The following SLC24A4 variants were observed in gnomAD, a reference collection of about 807,000 sequenced individuals.
The protein encoded by SLC24A4 is sodium/potassium/calcium exchanger 4.
A neutral mutation model predicts 79.0 loss-of-function variants in SLC24A4; 53 were observed. The observed-to-expected ratio is 0.67, with a 90% CI of 0.54 to 0.84. SLC24A4 has a LOEUF of 0.84. Ranked by LOEUF, SLC24A4 falls within the 40% of genes least tolerant of loss-of-function variation. The pLI, the probability that SLC24A4 is intolerant of heterozygous loss-of-function variation, is 0.00. For missense variants in SLC24A4, 731 were observed against 822.0 expected (o/e 0.89, Z 1.35); for synonymous variants, 323 against 323.8 (o/e 1.00, Z 0.03).
In SLC24A4 at chr14:92,494,445, G is replaced by A. The variant is rs557013279; in HGVS notation, c.*817G>A. 6.6e-6 allele frequency: 1 copy of A among 152,466 alleles called. No homozygotes were observed. Among genetic ancestry groups the A allele is most frequent in the East Asian group, 1.9e-4 (1 of 5,188 alleles). 9.4% of individuals were successfully genotyped at this position (152,466 alleles called of 1,614,324 possible). A position where few individuals can be genotyped will look rare whatever the true frequency, so the allele number is the denominator to read the frequency against. On this transcript the variant is annotated 3_prime_UTR_variant, in exon 17 of 17. Coordinates refer to ENST00000532405, the MANE Select transcript of SLC24A4 (RefSeq NM_153646.4). The surrounding 1 kb of genome is among the most constrained non-coding windows in gnomAD (Gnocchi z 4.6). Reference sequence around the variant, plus strand: ...TATGCCATCTTGCATTGGCACTGAGGTGTTTGGTTTGGAATAGGGAAAAAG... The same window carrying A: ...TATGCCATCTTGCATTGGCACTGAGATGTTTGGTTTGGAATAGGGAAAAAG...
chr14:92,447,467 C>T (rs200004671), intron 9 of SLC24A4, 43 bp downstream of exon 9: 15 of 1,562,018 alleles, frequency 9.6e-6, no homozygotes, highest in African/African-American at 2.7e-5. Context: ...ACGCCTTGCC[C>T]CACTGCCTGC....
rs1184273694 is a variant in SLC24A4 at position 92,497,166 on chromosome 14, C to T, written c.*3538C>T. The T allele has an allele frequency of 6.6e-6, 1 of 152,328 alleles. No individual in the cohort carries two copies. Among genetic ancestry groups the T allele is most frequent in the African/African-American group, 2.4e-5 (1 of 41,442 alleles). The allele number at this position is 152,328 out of a possible 1,614,324, so 9.4% of individuals were successfully genotyped here. Reference sequence around the variant, plus strand: ...TTAGGACTGTTTCTTGCTTTTGCCCCTGTCGGTCCCCTGCCTTAACAGACC... The same window carrying T: ...TTAGGACTGTTTCTTGCTTTTGCCCTTGTCGGTCCCCTGCCTTAACAGACC... On this transcript the variant is annotated 3_prime_UTR_variant, in exon 17 of 17. Transcript: ENST00000532405.
At chr14:92,354,291 C>T (rs1246578868) in intron 2 of SLC24A4, among the ~76,000 whole-genome samples, 1 of 152,052 alleles carries the variant, frequency 6.6e-6, no homozygotes, top group African/African-American at 2.4e-5. Context: ...GCTGGGACTA[C>T]AGGCACCTGC....
At chr14:92,465,768 C>T (rs573574019) in intron 12 of SLC24A4, among the ~76,000 whole-genome samples, 3 of 152,256 alleles carry the variant, frequency 2.0e-5, no homozygotes, top group African/African-American at 7.2e-5. Context: ...GAGAGCTCTC[C>T]AGGCCTTTAT....
intron 12 of SLC24A4, among the ~76,000 whole-genome samples, chr14:92,475,931 T>G (rs1312091496): frequency 6.6e-6 from 1 of 152,104 alleles, no homozygotes; most frequent in Non-Finnish European, 1.5e-5. Flanking sequence ...AACATAGCAA[T>G]GGAACGGGTC....
chr14:92,489,919 C>T (rs1207745658), intron 14 of SLC24A4, among the ~76,000 whole-genome samples: 1 of 152,192 alleles, frequency 6.6e-6, no homozygotes, highest in East Asian at 1.9e-4. Flanking sequence ...GTTCCCGCAT[C>T]TTACCGGACA....
chr14:92,430,594 C>T (rs1261215504), intron 2 of SLC24A4, among the ~76,000 whole-genome samples: 1 of 152,176 alleles, frequency 6.6e-6, no homozygotes, highest in African/African-American at 2.4e-5. Context: ...GGGAGGGAGG[C>T]AGATGCCTGG....
intron 12 of SLC24A4, among the ~76,000 whole-genome samples, chr14:92,477,982 T>C (rs953531419): frequency 1.3e-5 from 2 of 151,840 alleles, no homozygotes; most frequent in African/African-American, 4.8e-5. Context: ...AATTTTTGTA[T>C]TTTTAGTAGA....
At chr14:92,330,804 C>T in intron 2 of SLC24A4, among the ~76,000 whole-genome samples, 1 of 152,306 alleles carries the variant, frequency 6.6e-6, no homozygotes, top group Admixed American at 6.5e-5. Flanking sequence ...GGGCCATACC[C>T]TCATGCACTT....
chr14:92,370,241 C>A (rs1168179247), intron 2 of SLC24A4, among the ~76,000 whole-genome samples: 1 of 152,146 alleles, frequency 6.6e-6, no homozygotes, highest in Non-Finnish European at 1.5e-5. Context: ...AGAAAGTCTT[C>A]CAGAACGTAG....
chr14:92,464,876 C>T (rs1051736155), intron 12 of SLC24A4, among the ~76,000 whole-genome samples: 7 of 152,198 alleles, frequency 4.6e-5, no homozygotes, highest in Non-Finnish European at 7.4e-5. Flanking sequence ...CGCCAAGAAA[C>T]CTGTGCAGCT....
chr14:92,391,362 C>T (rs1478645343), intron 2 of SLC24A4, among the ~76,000 whole-genome samples: 5 of 152,170 alleles, frequency 3.3e-5, no homozygotes, highest in Admixed American at 2.0e-4. Flanking sequence ...AACCCTTGTG[C>T]CAACCCCAGG....
intron 2 of SLC24A4, among the ~76,000 whole-genome samples, chr14:92,416,065 G>A (rs1890964738): frequency 6.6e-6 from 1 of 152,100 alleles, no homozygotes; most frequent in Non-Finnish European, 1.5e-5. Context: ...CTGTGGAGAT[G>A]TAGAGACATC....
chr14:92,334,087 T>C (rs185432050), intron 2 of SLC24A4, among the ~76,000 whole-genome samples: 2 of 152,290 alleles, frequency 1.3e-5, no homozygotes, highest in East Asian at 3.9e-4. Context: ...TGAACAAACG[T>C]CTGTTGGAAT....
intron 14 of SLC24A4, among the ~76,000 whole-genome samples, chr14:92,488,174 C>T (rs899548310): frequency 3.3e-5 from 5 of 151,716 alleles, no homozygotes; most frequent in Admixed American, 6.6e-5. Flanking sequence ...TGGGTTCAAG[C>T]GGTTCTCCTG....
intron 12 of SLC24A4, among the ~76,000 whole-genome samples, chr14:92,477,463 T>TTTG (rs1180938299): frequency 6.6e-6 from 1 of 152,160 alleles, no homozygotes; most frequent in Admixed American, 6.5e-5. Flanking sequence ...TGTTGTTGTT[T>TTTG]TTGTTGTTGT....
At chr14:92,355,988 C>A (rs999484203) in intron 2 of SLC24A4, among the ~76,000 whole-genome samples, 2 of 152,160 alleles carry the variant, frequency 1.3e-5, no homozygotes, top group Non-Finnish European at 2.9e-5. Context: ...TTTGACTTTA[C>A]GATGGCATGA....
At chr14:92,406,394 A>G (rs1890378290) in intron 2 of SLC24A4, among the ~76,000 whole-genome samples, 1 of 152,144 alleles carries the variant, frequency 6.6e-6, no homozygotes, top group Non-Finnish European at 1.5e-5. Flanking sequence ...TCACAGCTCC[A>G]CTAGGTAGTG....
rs148115895 is a variant in SLC24A4 at position 92,341,846 on chromosome 14, C to G, written c.241+15868C>G. Among the ~76,000 whole-genome samples the G allele has an allele frequency of 3.2e-3, 491 of 152,302 alleles. 4 individuals carry two copies. Among genetic ancestry groups the G allele is most frequent in the Middle Eastern group, 0.031 (9 of 294 alleles). ...GTTGCATCTTTTCGTTCTCTAATTT[C>G]TGAGTGATTCTTCTCTGGGCCTCAG... On this transcript the variant is annotated intron_variant, in intron 2 of 16. Coordinates refer to ENST00000532405, the MANE Select transcript of SLC24A4 (RefSeq NM_153646.4).
Sources: allele counts gnomAD v4.1 joint callset (sites outside exome capture counted in the v4.1 genomes callset), GRCh38; gene constraint gnomAD v4.1.1; non-coding constraint Gnocchi (gnomAD v3.1); transcripts MANE v1.5; gene names NCBI Gene and HGNC (gene_info 2026-07-23, HGNC 2026-07-21).